Variants in COL10A1 observed in about 807,000 individuals in gnomAD.
The protein encoded by COL10A1 is collagen type X alpha 1 chain.
In COL10A1, 10 loss-of-function variants were observed where a neutral mutation model predicts 18.2. That is an observed-to-expected ratio of 0.55 (90% confidence interval 0.34 to 0.93). The LOEUF (loss-of-function observed/expected upper bound fraction) is 0.93, where lower values mean the gene tolerates loss of function less well. Ranked by LOEUF, COL10A1 falls within the 40% of genes least tolerant of loss-of-function variation. The pLI is 0.02. For synonymous variants in COL10A1, 330 were observed against 316.6 expected, an observed-to-expected ratio of 1.04 and a Z score of -0.45; for missense variants, 897 against 853.5, an observed-to-expected ratio of 1.05 and a Z score of -0.64.
At chr6:116,194,939 G>A in the COL10A1 span, among the ~76,000 whole-genome samples, 1 of 152,042 alleles carries the variant, frequency 6.6e-6, no homozygotes, top group Non-Finnish European at 1.5e-5. Context: ...GTTGGATACT[G>A]TGGCATATTT....
At chr6:116,125,023 G>T (rs1242123950) in intron 2 of COL10A1, among the ~76,000 whole-genome samples, 3 of 152,156 alleles carry the variant, frequency 2.0e-5, no homozygotes, top group Non-Finnish European at 2.9e-5. Flanking sequence ...GATTAGTTTT[G>T]ATTAGATCAA....
chr6:116,194,858 A>G, the COL10A1 span, among the ~76,000 whole-genome samples: 1 of 152,054 alleles, frequency 6.6e-6, no homozygotes, highest in South Asian at 2.1e-4. Flanking sequence ...TACTGTTGTA[A>G]TATTTTTATG....
chr6:116,153,201 A>G (rs1035622227), intron 1 of COL10A1, among the ~76,000 whole-genome samples: 2 of 152,038 alleles, frequency 1.3e-5, no homozygotes, highest in Non-Finnish European at 2.9e-5. Flanking sequence ...AGAATTAAGA[A>G]TTTTTTTAAA....
chr6:116,166,021 G>A, the COL10A1 span, among the ~76,000 whole-genome samples: 6 of 152,072 alleles, frequency 3.9e-5, no homozygotes, highest in Non-Finnish European at 5.9e-5. Context: ...TCCTAAATCC[G>A]CACTGACAGC....
chr6:116,206,423 AC>A, the COL10A1 span, among the ~76,000 whole-genome samples: 1 of 151,970 alleles, frequency 6.6e-6, no homozygotes, highest in African/African-American at 2.4e-5. Flanking sequence ...TAAAGCACTT[AC>A]CCAAGGAAAT....
chr6:116,126,851 TA>T (rs1177676019), upstream of COL10A1, among the ~76,000 whole-genome samples: 1 of 151,990 alleles, frequency 6.6e-6, no homozygotes, highest in African/African-American at 2.4e-5. Flanking sequence ...GCTTTCAGCT[TA>T]AAAAAAATAT....
chr6:116,152,452 G>C (rs1252542837), intron 1 of COL10A1, among the ~76,000 whole-genome samples: 2 of 151,936 alleles, frequency 1.3e-5, no homozygotes, highest in Non-Finnish European at 2.9e-5. Context: ...GTGTCCTCTA[G>C]CTTTAAACTC....
At chr6:116,204,484 G>A in the COL10A1 span, among the ~76,000 whole-genome samples, 1 of 151,922 alleles carries the variant, frequency 6.6e-6, no homozygotes, top group African/African-American at 2.4e-5. Flanking sequence ...ATGAGAGTGT[G>A]GGGTAAGTGT....
At chr6:116,149,182 C>G (rs1259179877) in intron 1 of COL10A1, among the ~76,000 whole-genome samples, 1 of 152,060 alleles carries the variant, frequency 6.6e-6, no homozygotes, top group Admixed American at 6.5e-5. Flanking sequence ...ACATTTGGTA[C>G]AGAATTTGAA....
At chr6:116,150,242 A>T (rs1276584370) in intron 1 of COL10A1, among the ~76,000 whole-genome samples, 1 of 152,118 alleles carries the variant, frequency 6.6e-6, no homozygotes, top group Non-Finnish European at 1.5e-5. Flanking sequence ...GCCCATGGCC[A>T]CTGACAGATC....
chr6:116,119,880 G>T lies in COL10A1; in HGVS notation c.*193C>A, dbSNP rs1779055506. On this transcript the variant is annotated 3_prime_UTR_variant, in exon 3 of 3. Transcript: ENST00000651968. ...AAGATTGCTAACTAGAAATTCAAGA[G>T]AGGCTTCACATACGTTTTTACGTTG... 1.7e-6 allele frequency: 1 copy of T among 592,854 alleles called. No homozygotes were observed. 36.7% of individuals were successfully genotyped at this position (592,854 alleles called of 1,614,324 possible). A position where few individuals can be genotyped will look rare whatever the true frequency, so the allele number is the denominator to read the frequency against.
At chr6:116,131,930 G>A (rs911487770) in intron 1 of COL10A1, among the ~76,000 whole-genome samples, 8 of 152,062 alleles carry the variant, frequency 5.3e-5, no homozygotes, top group Admixed American at 1.3e-4. Flanking sequence ...GCAGTATTTG[G>A]TGTTCTGTTC....
At chr6:116,136,582 T>C (rs1168751669) in intron 1 of COL10A1, among the ~76,000 whole-genome samples, 1 of 152,180 alleles carries the variant, frequency 6.6e-6, no homozygotes. Flanking sequence ...CCACACCACA[T>C]AACACTTACT....
upstream of COL10A1, among the ~76,000 whole-genome samples, chr6:116,159,922 A>G (rs1280572540): frequency 6.6e-6 from 1 of 152,102 alleles, no homozygotes; most frequent in African/African-American, 2.4e-5. Flanking sequence ...AGCTCTATCC[A>G]TGTTGTTGCA....
At chr6:116,194,273 T>C in the COL10A1 span, among the ~76,000 whole-genome samples, 41 of 152,202 alleles carry the variant, frequency 2.7e-4, no homozygotes, top group African/African-American at 9.9e-4. Flanking sequence ...AAAATGGAAC[T>C]CTAAAAATAG....
At chr6:116,171,815 T>A in the COL10A1 span, among the ~76,000 whole-genome samples, 1 of 152,202 alleles carries the variant, frequency 6.6e-6, no homozygotes, top group South Asian at 2.1e-4. Context: ...TTTGCATAAA[T>A]GTGCAATTTG....
chr6:116,206,409 T>C, the COL10A1 span, among the ~76,000 whole-genome samples: 1 of 152,012 alleles, frequency 6.6e-6, no homozygotes, highest in African/African-American at 2.4e-5. Context: ...AGTCTCTCAA[T>C]GACTAAAGCA....
At chr6:116,188,759 C>T in the COL10A1 span, among the ~76,000 whole-genome samples, 5 of 151,084 alleles carry the variant, frequency 3.3e-5, no homozygotes, top group African/African-American at 1.2e-4. Flanking sequence ...AACATTTCAA[C>T]CAAAGCACAG....
the COL10A1 span, among the ~76,000 whole-genome samples, chr6:116,208,073 G>A: frequency 7.5e-4 from 114 of 152,016 alleles, no homozygotes; most frequent in African/African-American, 2.7e-3. Context: ...TCCTCAGTGT[G>A]GGGCAGATTT....
Sources: allele counts gnomAD v4.1 joint callset (sites outside exome capture counted in the v4.1 genomes callset), GRCh38; gene constraint gnomAD v4.1.1; transcripts MANE v1.5; gene names NCBI Gene and HGNC (gene_info 2026-07-23, HGNC 2026-07-21).